Variants in SSH2 observed in about 807,000 individuals in gnomAD.
SSH2 encodes protein phosphatase Slingshot homolog 2.
A neutral mutation model predicts 135.2 loss-of-function variants in SSH2; 37 were observed. The ratio of observed to expected loss-of-function variants is 0.27; its 90% CI spans 0.21 to 0.36. The LOEUF (loss-of-function observed/expected upper bound fraction) is 0.36. Among genes scored for constraint, SSH2 ranks in the 10% least tolerant of loss-of-function variants. The pLI, the probability that SSH2 is intolerant of heterozygous loss-of-function variation, is 1.00. For missense variants in SSH2, 1,408 were observed against 1,765.3 expected, an observed-to-expected ratio of 0.80 and a Z score of 3.63; for synonymous variants, 628 against 646.2, an observed-to-expected ratio of 0.97 and a Z score of 0.43.
chr17:29,893,547 T>C (rs1427600947), intron 1 of SSH2, among the ~76,000 whole-genome samples: 1 of 152,262 alleles, frequency 6.6e-6, no homozygotes, highest in African/African-American at 2.4e-5. Context: ...AAGAAGGCTT[T>C]TCCCAGACAC....
chr17:29,712,919 T>G (rs2039492503), intron 3 of SSH2, among the ~76,000 whole-genome samples: 1 of 152,252 alleles, frequency 6.6e-6, no homozygotes, highest in African/African-American at 2.4e-5. Context: ...GCAGTAGGGC[T>G]GGGCTTAAGC....
chr17:29,685,209 A>T (rs2038163388), intron 5 of SSH2, among the ~76,000 whole-genome samples: 1 of 152,158 alleles, frequency 6.6e-6, no homozygotes, highest in Admixed American at 6.5e-5. Flanking sequence ...ATGAAAGGAG[A>T]TTGCATTTTT....
chr17:29,717,663 A>G (rs1230681949), intron 3 of SSH2, among the ~76,000 whole-genome samples: 1 of 152,162 alleles, frequency 6.6e-6, no homozygotes, highest in East Asian at 1.9e-4. Flanking sequence ...AAATCTCTTC[A>G]CTAAGCTGAC....
At chr17:29,663,686 G>A (rs1445319947) in intron 11 of SSH2, among the ~76,000 whole-genome samples, 3 of 152,138 alleles carry the variant, frequency 2.0e-5, no homozygotes, top group Non-Finnish European at 2.9e-5. Flanking sequence ...ACACAATGCT[G>A]ATGTGCAAAA....
intron 3 of SSH2, among the ~76,000 whole-genome samples, chr17:29,722,270 T>A (rs2039847880): frequency 7.6e-6 from 1 of 132,328 alleles, no homozygotes; most frequent in African/African-American, 3.4e-5. Flanking sequence ...CGGGACATTA[T>A]CTCAAAAAAA....
At chr17:29,639,212 GGGA>G (rs2036044371) in intron 14 of SSH2, among the ~76,000 whole-genome samples, 1 of 152,148 alleles carries the variant, frequency 6.6e-6, no homozygotes, top group Admixed American at 6.5e-5. Context: ...GTCTGAGGTA[GGGA>G]GGAGATTTCA....
chr17:29,757,777 AGGGGTGGGGGGTGGGGTGGGGGGCCG>A (rs2041175664), intron 3 of SSH2, among the ~76,000 whole-genome samples: 1 of 9,910 alleles, frequency 1.0e-4, no homozygotes, highest in Admixed American at 1.5e-3. Context: ...ACCCAGTGGC[AGGGGTGGGGGGTGGGGTGGGGGGCCG>A]GGGTTGGGGG....
intron 4 of SSH2, among the ~76,000 whole-genome samples, chr17:29,697,324 A>G (rs867596445): frequency 3.3e-5 from 5 of 152,220 alleles, no homozygotes; most frequent in Non-Finnish European, 5.9e-5. Context: ...ACTTGTTCTC[A>G]CATTGGTCTT....
At chr17:29,763,537 A>G (rs1025710450) in intron 3 of SSH2, among the ~76,000 whole-genome samples, 1 of 151,918 alleles carries the variant, frequency 6.6e-6, no homozygotes, top group African/African-American at 2.4e-5. Context: ...CAGCACTATT[A>G]AGGTGAGTCC....
chr17:29,708,029 C>T (rs958253742), intron 3 of SSH2, among the ~76,000 whole-genome samples: 1 of 151,948 alleles, frequency 6.6e-6, no homozygotes, highest in African/African-American at 2.4e-5. Context: ...CTTATCATAA[C>T]AGAAAAAAAT....
Position 29,924,655 on chromosome 17 carries a change from C to T in SSH2, c.63+5283G>A, listed in dbSNP as rs117316046. ...CTTGTGGGTTTTTTTTTTCCTTTTC[C>T]CTTGTGGTGAAACCAACAGCTATCC... On this transcript the variant is annotated intron_variant, in intron 1 of 15. Coordinates refer to ENST00000540801, the MANE Select transcript of SSH2 (RefSeq NM_001282129.2). Among the ~76,000 whole-genome samples the T allele has an allele frequency of 4.6e-3, 692 of 151,756 alleles. 3 individuals carry two copies. The highest frequency in any genetic ancestry group is 7.7e-3 in the Non-Finnish European group (526 of 67,888).
At chr17:29,918,652 T>G (rs935379675) in intron 1 of SSH2, among the ~76,000 whole-genome samples, 3 of 152,104 alleles carry the variant, frequency 2.0e-5, no homozygotes, top group African/African-American at 7.2e-5. Context: ...TAATGTTTCT[T>G]TTGACTGGGC....
At chr17:29,728,655 C>T (rs371455780) in intron 3 of SSH2, among the ~76,000 whole-genome samples, 11 of 152,102 alleles carry the variant, frequency 7.2e-5, no homozygotes, top group East Asian at 5.8e-4. Context: ...ATTATATTAC[C>T]GAGCTATAGT....
At chr17:29,703,415 A>G (rs967115648) in intron 3 of SSH2, among the ~76,000 whole-genome samples, 2 of 151,642 alleles carry the variant, frequency 1.3e-5, no homozygotes, top group African/African-American at 4.8e-5. Flanking sequence ...ACACCCAGCT[A>G]ATTTTTGAAT....
At chr17:29,692,716 A>G (rs2038540007) in intron 5 of SSH2, among the ~76,000 whole-genome samples, 2 of 152,230 alleles carry the variant, frequency 1.3e-5, no homozygotes, top group African/African-American at 4.8e-5. Flanking sequence ...AGCTATCAGC[A>G]AATATTTATT....
In SSH2 at chr17:29,737,370, T is replaced by C. The variant is rs1002871599; in HGVS notation, c.189-34308A>G. Among the ~76,000 whole-genome samples, 5 of 152,296 alleles carry C rather than the reference T, an allele frequency of 3.3e-5. No individual in the cohort carries two copies. The South Asian group carries it at 6.2e-4, about 19-fold the overall frequency. The stretch of plus-strand genomic sequence containing the variant: ...CTCCATTATTTTTTCTTTAGAGCTA[T>C]ATCAGCTAATTATTTATTTATAATA... On this transcript the variant is annotated intron_variant, in intron 3 of 15. Coordinates refer to ENST00000540801, the MANE Select transcript of SSH2 (RefSeq NM_001282129.2).
intron 3 of SSH2, among the ~76,000 whole-genome samples, chr17:29,725,657 C>T (rs547964849): frequency 6.6e-6 from 1 of 152,154 alleles, no homozygotes; most frequent in Non-Finnish European, 1.5e-5. Context: ...AACAGAAAAC[C>T]AAACACTGCA....
chr17:29,859,012 T>C (rs990760672), intron 1 of SSH2, among the ~76,000 whole-genome samples: 6 of 152,168 alleles, frequency 3.9e-5, no homozygotes, highest in Admixed American at 1.3e-4. Flanking sequence ...ATCAACACAT[T>C]GCCAACACAT....
intron 11 of SSH2, among the ~76,000 whole-genome samples, chr17:29,659,442 TA>T (rs1288121024): frequency 7.2e-5 from 11 of 152,324 alleles, no homozygotes; most frequent in African/African-American, 2.6e-4. Context: ...CTCTTAGAAG[TA>T]AAAGTGAGCA....
Sources: allele counts gnomAD v4.1 joint callset (sites outside exome capture counted in the v4.1 genomes callset), GRCh38; gene constraint gnomAD v4.1.1; transcripts MANE v1.5; gene names NCBI Gene and HGNC (gene_info 2026-07-23, HGNC 2026-07-21).